UBR4: variants seen among roughly 807,000 people sequenced by gnomAD.
The protein encoded by UBR4 is ubiquitin protein ligase E3 component n-recognin 4, also known as E3 ubiquitin-protein ligase UBR4.
UBR4 carries 124 observed loss-of-function variants against 575.6 expected under a neutral mutation model. The observed-to-expected ratio is 0.22, with a 90% CI of 0.19 to 0.25. UBR4 has a LOEUF of 0.25. UBR4 is among the 10% of genes least tolerant of loss of function. The pLI, the probability that UBR4 is intolerant of heterozygous loss-of-function variation, is 1.00. For synonymous variants in UBR4, 2,455 were observed against 2,473.7 expected, an observed-to-expected ratio of 0.99 and a Z score of 0.22; for missense variants, 4,818 against 6,478.8, an observed-to-expected ratio of 0.74 and a Z score of 8.80.
Position 19,124,662 on chromosome 1 carries a change from T to A in UBR4, c.9467A>T (p.Tyr3156Phe), listed in dbSNP as rs1283090399. 3.1e-6 allele frequency: 5 copies of A among 1,614,190 alleles called. No individual in the cohort carries two copies. The highest frequency in any genetic ancestry group is 4.2e-6 in the Non-Finnish European group (5 of 1,180,018). ...KGHAADVFEAYTQLLTEMVLR... is the reference protein window; with the variant it reads ...KGHAADVFEAFTQLLTEMVLR... The stretch of plus-strand genomic sequence containing the variant: ...TACCATTTCTGTTAGAAGCTGAGTA[T>A]AGGCCTCAAACACATCAGCAGCATG... The change falls in exon 65 of 106, where the codon TAT (tyrosine) becomes TTT (phenylalanine). Residue 3156 changes from tyrosine (Y) to phenylalanine (F), a missense_variant. By Grantham distance (22) the Tyr-to-Phe change is conservative (BLOSUM62 3). Transcript: ENST00000375254.
In UBR4 at chr1:19,192,258, G is replaced by A; in HGVS notation, c.1324C>T (p.Leu442Phe). ...CGAGAAAGGATGTCTCTGACTCGGA[G>A]GGCAGCCAGTGGGTCCTTCTCTTTC... ...KGKEKDPLAA[L>F]RVRDILSRTK... Residue 442 changes from leucine to phenylalanine, a missense_variant, in exon 11 of 106, where the codon CTC becomes TTC. Physicochemically the swap from Leu to Phe is conservative, Grantham distance 22 (BLOSUM62 0). This residue lies in a region of UBR4 where 162 missense variants were observed against 216.4 expected (regional missense o/e 0.75). Coordinates refer to ENST00000375254, the MANE Select transcript of UBR4 (RefSeq NM_020765.3). 6.2e-7 allele frequency: 1 copy of A among 1,614,178 alleles called. No homozygotes were observed. Among genetic ancestry groups the A allele is most frequent in the East Asian group, 2.2e-5 (1 of 44,884 alleles).
rs1373386656 is a variant in UBR4 at position 19,101,377 on chromosome 1, T to C, written c.13023+143A>G. The C allele has an allele frequency of 5.8e-6, 7 of 1,215,204 alleles. No individual in the cohort carries two copies. In the East Asian group the frequency reaches 1.1e-4, roughly 19 times the overall value. The allele number at this position is 1,215,204 out of a possible 1,614,324, so 75.3% of individuals were successfully genotyped here. A position where few individuals can be genotyped will look rare whatever the true frequency, so the allele number is the denominator to read the frequency against. On this transcript the variant is annotated intron_variant, in intron 88 of 105. Coordinates refer to ENST00000375254, the MANE Select transcript of UBR4 (RefSeq NM_020765.3). ...AAATTATGAGGTTGCTTCACTTTTA[T>C]GGCGGTGGATCTTCTTTCACTAATG... is the stretch of plus-strand genomic sequence containing the variant.
intron 51 of UBR4, 152 bp downstream of exon 51, chr1:19,147,841 A>G: frequency 8.1e-7 from 1 of 1,240,856 alleles, no homozygotes; most frequent in Non-Finnish European, 1.1e-6. Flanking sequence ...GCACTTGAGA[A>G]TTTCTCAGGA....
chr1:19,151,038 C>G, intron 48 of UBR4: 2 of 552,832 alleles, frequency 3.6e-6, no homozygotes, highest in Non-Finnish European at 6.5e-6. Flanking sequence ...ACCATCACTG[C>G]AAGGGTCCTC....
Position 19,156,749 on chromosome 1 carries a change from C to CA in UBR4, c.5919+17_5919+18insT. The CA allele has an allele frequency of 6.2e-7, 1 of 1,610,220 alleles. No homozygotes were observed. Among genetic ancestry groups the CA allele is most frequent in the Non-Finnish European group, 8.5e-7 (1 of 1,177,174 alleles). ...AATCCACAGCTCAAGGCAATCAAAC[C>CA]TAGATCCGGATTTTTACCTTTAGCC... On this transcript the variant is annotated intron_variant, in intron 41 of 105. Coordinates refer to ENST00000375254, the MANE Select transcript of UBR4 (RefSeq NM_020765.3).
At chr1:19,190,312 A>AAAAATAT in intron 11 of UBR4, among the ~76,000 whole-genome samples, 50 of 79,898 alleles carry the variant, frequency 6.3e-4, no homozygotes, top group African/African-American at 2.7e-3. Flanking sequence ...AAAAAAAAAA[A>AAAAATAT]ATATATATAT....
intron 102 of UBR4, chr1:19,082,266 G>A (rs557341948): frequency 3.1e-4 from 50 of 161,190 alleles, no homozygotes; most frequent in Admixed American, 8.2e-4. Flanking sequence ...AGTGCTTTAC[G>A]GGATTATTTC....
chr1:19,076,330 T>C (rs1243891751), intron 105 of UBR4, among the ~76,000 whole-genome samples: 1 of 152,208 alleles, frequency 6.6e-6, no homozygotes, highest in Non-Finnish European at 1.5e-5. Flanking sequence ...AATTTGCATG[T>C]TAATTCTCTG....
rs1411002521 is a variant in UBR4, at chr1:19,197,211, A to G, written c.948T>C (p.Pro316=). The G allele has an allele frequency of 1.9e-6, 3 of 1,614,214 alleles. No homozygotes were observed. Among genetic ancestry groups the G allele is most frequent in the Non-Finnish European group, 8.5e-7 (1 of 1,180,030 alleles). ...GAGAAGGATTGAGAGGTTCCAACAC[A>G]GGTAGAGAAAGGGTATCCAATGCCA... is the stretch of plus-strand genomic sequence containing the variant. ...VTMALDTLSL[P]VLEPLNPSRL... Residue 316 remains proline, a synonymous_variant, in exon 8 of 106, where the codon CCT becomes CCC. Coordinates refer to ENST00000375254, the MANE Select transcript of UBR4 (RefSeq NM_020765.3).
At chr1:19,130,780 T>C (rs2082333926) in intron 60 of UBR4, among the ~76,000 whole-genome samples, 1 of 152,184 alleles carries the variant, frequency 6.6e-6, no homozygotes, top group African/African-American at 2.4e-5. Flanking sequence ...TTGAGATGGA[T>C]TAATATCTTC....
At chr1:19,096,143 A>G (rs1436819357) in intron 92 of UBR4, among the ~76,000 whole-genome samples, 1 of 152,154 alleles carries the variant, frequency 6.6e-6, no homozygotes, top group Non-Finnish European at 1.5e-5. Context: ...CCTCTCTGGA[A>G]TGCTCTAATC....
chr1:19,201,640 C>T, intron 2 of UBR4, 78 bp downstream of exon 2: 1 of 1,298,330 alleles, frequency 7.7e-7, no homozygotes, highest in South Asian at 1.3e-5. Flanking sequence ...ACAACTTTTT[C>T]AGATACACTA....
intron 97 of UBR4, among the ~76,000 whole-genome samples, chr1:19,091,042 G>A (rs2148822703): frequency 6.6e-6 from 1 of 151,458 alleles, no homozygotes; most frequent in East Asian, 1.9e-4. Flanking sequence ...GTTGCAGTGA[G>A]CCGAGACCAT....
chr1:19,121,850 C>T, intron 67 of UBR4, 84 bp downstream of exon 67: 11 of 1,438,092 alleles, frequency 7.6e-6, no homozygotes, highest in Non-Finnish European at 9.7e-6. Context: ...TCTCCAGCAT[C>T]CAGTTCAGTG....
In UBR4 at chr1:19,127,677, G is replaced by C; in HGVS notation, c.9174C>G (p.Leu3058=). The change falls in exon 63 of 106, where the codon CTC becomes CTG. Residue 3058 remains leucine, a synonymous_variant. Transcript: ENST00000375254. ...LNEVHLVVMR[L]LSVFMSRTKS... is the part of the protein sequence containing the mutation. ...TGGTGCGGGACATGAAGACACTCAG[G>C]AGTCTCATTACTACCAGATGGACTT... 6.2e-7 allele frequency: 1 copy of C among 1,614,122 alleles called. No individual in the cohort carries two copies. The highest frequency in any genetic ancestry group is 2.2e-5 in the East Asian group (1 of 44,884).
In UBR4 at chr1:19,129,024, G is replaced by T. The variant is rs746616453; in HGVS notation, c.8957C>A (p.Pro2986His). Residue 2986 changes from proline (P) to histidine (H), a missense_variant, in exon 61 of 106, where the codon CCT becomes CAT. Transcript: ENST00000375254. The stretch of plus-strand genomic sequence containing the variant: ...GACACCGCCAACGTTTCGTAATTGA[G>T]GCAGGGTCTGCAGTAATCTCTCCAA... The part of the protein sequence containing the change: ...MLLERLLQTL[P>H]QLRNVGGVRA... 2 of 1,613,944 alleles carry T rather than the reference G, an allele frequency of 1.2e-6. No individual in the cohort carries two copies. The highest frequency in any genetic ancestry group is 1.7e-5 in the Admixed American group (1 of 59,992).
chr1:19,205,627 T>C (rs1201745076), intron 1 of UBR4, among the ~76,000 whole-genome samples: 1 of 146,452 alleles, frequency 6.8e-6, no homozygotes, highest in Non-Finnish European at 1.5e-5. Context: ...TAATCTATCT[T>C]TTGGTGGCGG....
chr1:19,206,899 G>C (rs1295895242), intron 1 of UBR4, among the ~76,000 whole-genome samples: 2 of 152,122 alleles, frequency 1.3e-5, no homozygotes, highest in African/African-American at 2.4e-5. Context: ...TTCTTCAAAA[G>C]GTCAATTTCA....
chr1:19,199,830 G>T, intron 2 of UBR4, 76 bp from the exon 3 acceptor site: 1 of 1,322,240 alleles, frequency 7.6e-7, no homozygotes. Context: ...TAAGTATTGA[G>T]CTCTATGTCC....
Sources: allele counts gnomAD v4.1 joint callset (sites outside exome capture counted in the v4.1 genomes callset), GRCh38; gene constraint gnomAD v4.1.1; regional missense constraint gnomAD v4.1.1; transcripts MANE v1.5; gene names NCBI Gene and HGNC (gene_info 2026-07-23, HGNC 2026-07-21).